MGAT4C: variants seen among roughly 807,000 people sequenced by gnomAD.
The protein encoded by MGAT4C is MGAT4 family member C.
A neutral mutation model predicts 40.1 loss-of-function variants in MGAT4C; 19 were observed. The ratio of observed to expected loss-of-function variants is 0.47; its 90% CI spans 0.33 to 0.70. The LOEUF (loss-of-function observed/expected upper bound fraction) is 0.70. Ranked by LOEUF, MGAT4C falls within the 30% of genes least tolerant of loss-of-function variation. MGAT4C has a pLI of 0.02. For missense variants in MGAT4C, 491 were observed against 563.2 expected (o/e 0.87, Z 1.30); for synonymous variants, 181 against 187.1 (o/e 0.97, Z 0.27).
At chr12:86,767,084 G>A (rs985237659) in intron 1 of MGAT4C, among the ~76,000 whole-genome samples, 15 of 152,074 alleles carry the variant, frequency 9.9e-5, no homozygotes, top group Non-Finnish European at 2.1e-4. Context: ...CCAGAAGCTG[G>A]TTTTTTGAAA....
intron 1 of MGAT4C, among the ~76,000 whole-genome samples, chr12:86,737,822 T>C (rs949090936): frequency 6.6e-6 from 1 of 151,502 alleles, no homozygotes; most frequent in African/African-American, 2.4e-5. Flanking sequence ...GAGTAAATAC[T>C]ACTGGCATTT....
chr12:86,546,100 A>C (rs759436050), intron 2 of MGAT4C, among the ~76,000 whole-genome samples: 1 of 151,968 alleles, frequency 6.6e-6, no homozygotes, highest in Non-Finnish European at 1.5e-5. Flanking sequence ...TTCTCTTTCG[A>C]TCACATCTGA....
chr12:86,193,809 T>C (rs1299383200), intron 1 of MGAT4C, among the ~76,000 whole-genome samples: 1 of 152,184 alleles, frequency 6.6e-6, no homozygotes, highest in Non-Finnish European at 1.5e-5. Flanking sequence ...TTTCAGTAAA[T>C]TGAGGTTTCA....
chr12:86,259,886 T>C (rs1415794761), upstream of MGAT4C, among the ~76,000 whole-genome samples: 2 of 3,722 alleles, frequency 5.4e-4, no homozygotes, highest in Non-Finnish European at 4.4e-4. Context: ...ACACTAGATA[T>C]GAAAAGTCTT....
At chr12:86,791,488 G>C (rs1489560025) in intron 1 of MGAT4C, among the ~76,000 whole-genome samples, 2 of 151,208 alleles carry the variant, frequency 1.3e-5, no homozygotes, top group Non-Finnish European at 2.9e-5. Flanking sequence ...AGTGAGGGCA[G>C]GTTGTGGGAC....
chr12:86,727,597 A>G lies in MGAT4C; in HGVS notation c.-261-356T>C, dbSNP rs190959178. On this transcript the variant is annotated intron_variant, in intron 1 of 7. Coordinates refer to the MGAT4C transcript ENST00000548651. ...ATTAATAGTAAAAAAGTTAGGAAAT[A>G]AAGCATGCATACTTAATGATACAAA... is the stretch of plus-strand genomic sequence containing the variant. 2.6e-3 allele frequency among the ~76,000 whole-genome samples: 393 copies of G among 152,228 alleles called. 1 individual carries two copies. The highest frequency in any genetic ancestry group is 3.2e-3 in the Non-Finnish European group (216 of 67,982).
intron 1 of MGAT4C, among the ~76,000 whole-genome samples, chr12:86,821,187 A>C (rs984722237): frequency 9.3e-5 from 14 of 150,846 alleles, no homozygotes; most frequent in African/African-American, 3.4e-4. Flanking sequence ...GAAATGTCCT[A>C]ACAGAATATA....
intron 1 of MGAT4C, among the ~76,000 whole-genome samples, chr12:86,743,721 A>G (rs556105198): frequency 5.3e-4 from 81 of 151,808 alleles, no homozygotes; most frequent in Non-Finnish European, 4.3e-4. Context: ...TCCATCCCAG[A>G]TACCTCTTTG....
intron 2 of MGAT4C, chr12:86,011,985 T>C: frequency 2.3e-6 from 1 of 440,290 alleles, no homozygotes; most frequent in Non-Finnish European, 3.0e-6. Context: ...TTTTATCTGC[T>C]AGAATTTTTT....
rs539984188 is a variant in MGAT4C at position 86,631,982 on chromosome 12, G to C, written c.-229+95227C>G. ...AGTGAACAGGCAACCTACAGAATGG[G>C]AGAAAATTTTTGCAATCTACCCATC... On this transcript the variant is annotated intron_variant, in intron 2 of 7. Coordinates refer to the MGAT4C transcript ENST00000548651. Among the ~76,000 whole-genome samples, 4 of 152,178 alleles carry C rather than the reference G, an allele frequency of 2.6e-5. No individual in the cohort carries two copies. The South Asian group carries it at 8.3e-4, about 32-fold the overall frequency.
intron 1 of MGAT4C, among the ~76,000 whole-genome samples, chr12:86,226,483 T>G (rs961221539): frequency 3.3e-5 from 5 of 151,980 alleles, no homozygotes; most frequent in Admixed American, 3.3e-4. Context: ...AACTTATATC[T>G]TCATCTTCTT....
At chr12:85,993,778 G>T (rs980267955) in intron 2 of MGAT4C, among the ~76,000 whole-genome samples, 1 of 152,168 alleles carries the variant, frequency 6.6e-6, no homozygotes, top group African/African-American at 2.4e-5. Context: ...AAAGGCAGAG[G>T]CTTCCAGTAG....
At chr12:86,185,283 G>GAATAA (rs1888634795) in intron 1 of MGAT4C, among the ~76,000 whole-genome samples, 1 of 151,742 alleles carries the variant, frequency 6.6e-6, no homozygotes, top group Admixed American at 6.6e-5. Context: ...TCTTCATTTT[G>GAATAA]GTAAGTAATT....
At chr12:86,704,144 A>G (rs1222012083) in intron 2 of MGAT4C, among the ~76,000 whole-genome samples, 1 of 152,160 alleles carries the variant, frequency 6.6e-6, no homozygotes, top group African/African-American at 2.4e-5. Context: ...CTCTCCGTGA[A>G]TTATTTCATT....
intron 1 of MGAT4C, among the ~76,000 whole-genome samples, chr12:86,793,699 C>A (rs1015385829): frequency 3.3e-5 from 5 of 151,894 alleles, no homozygotes; most frequent in Admixed American, 1.3e-4. Context: ...TATAAGAATT[C>A]TCTCATAATT....
Position 86,502,868 on chromosome 12 carries a change from TATATATATATATGAGTTCTGCTC to T in MGAT4C, c.-228-67626_-228-67604del, listed in dbSNP as rs1958381956. 2.8e-4 allele frequency among the ~76,000 whole-genome samples: 22 copies of T among 79,770 alleles called. 1 individual carries two copies. Among genetic ancestry groups the T allele is most frequent in the African/African-American group, 1.2e-3 (21 of 18,114 alleles). 52.3% of individuals were successfully genotyped at this position (79,770 alleles called of 152,430 possible). A position where few individuals can be genotyped will look rare whatever the true frequency, so the allele number is the denominator to read the frequency against. ...TATATATATATGAGTTCTGCTCATA[TATATATATATATGAGTTCTGCTC>T]ATATATATATATATATGAGTTCTGC... On this transcript the variant is annotated intron_variant, in intron 2 of 7. Coordinates refer to the MGAT4C transcript ENST00000548651.
Position 86,610,558 on chromosome 12 carries a change from TTTG to T in MGAT4C, c.-229+116648_-229+116650del, listed in dbSNP as rs1255096861. On this transcript the variant is annotated intron_variant, in intron 2 of 7. Transcript: ENST00000548651. ...TAAAAGGGCAACAGTTTTTTTGTTT[TTTG>T]TTTTTTTTTCATTTTCTTTCTTTTT... 1.1e-3 allele frequency among the ~76,000 whole-genome samples: 7 copies of T among 6,482 alleles called. No individual in the cohort carries two copies. The Non-Finnish European group carries it at 0.052, about 48-fold the overall frequency. 4.3% of individuals were successfully genotyped at this position (6,482 alleles called of 152,430 possible). A position where few individuals can be genotyped will look rare whatever the true frequency, so the allele number is the denominator to read the frequency against.
chr12:86,462,729 G>A (rs923553059), intron 2 of MGAT4C, among the ~76,000 whole-genome samples: 7 of 152,164 alleles, frequency 4.6e-5, no homozygotes, highest in African/African-American at 1.7e-4. Context: ...TCCAAAAGCT[G>A]AAGAACTTAG....
At chr12:86,220,594 T>C (rs964855074) in intron 1 of MGAT4C, among the ~76,000 whole-genome samples, 2 of 152,200 alleles carry the variant, frequency 1.3e-5, no homozygotes, top group African/African-American at 2.4e-5. Flanking sequence ...CCTACTGTGA[T>C]TCCTAATGCA....
Sources: allele counts gnomAD v4.1 joint callset (sites outside exome capture counted in the v4.1 genomes callset), GRCh38; gene constraint gnomAD v4.1.1; transcripts MANE v1.5; gene names NCBI Gene and HGNC (gene_info 2026-07-23, HGNC 2026-07-21).